ANKRD30BL: variants seen among roughly 807,000 people sequenced by gnomAD.
ANKRD30BL encodes the protein putative ankyrin repeat domain-containing protein 30B-like.
A neutral mutation model predicts 18.4 loss-of-function variants in ANKRD30BL; 20 were observed. The ratio of observed to expected loss-of-function variants is 1.09; its 90% confidence interval spans 0.77 to 1.58. ANKRD30BL has a LOEUF of 1.58. Among genes scored for constraint, ANKRD30BL ranks in the 40% most tolerant of loss-of-function variants. The pLI is 0.00. For missense variants in ANKRD30BL, 224 were observed against 268.6 expected, an observed-to-expected ratio of 0.83 and a Z score of 1.16; for synonymous variants, 72 against 100.9, an observed-to-expected ratio of 0.71 and a Z score of 1.72.
At chr2:132,181,971 C>T (rs1045349249) in intron 1 of ANKRD30BL, among the ~76,000 whole-genome samples, 33 of 151,796 alleles carry the variant, frequency 2.2e-4, no homozygotes, top group South Asian at 6.2e-4. Flanking sequence ...ATTAGCCGGG[C>T]GTGGTGGTGC....
chr2:132,213,272 G>A (rs988469117), intron 1 of ANKRD30BL, among the ~76,000 whole-genome samples: 1 of 151,952 alleles, frequency 6.6e-6, no homozygotes, highest in Non-Finnish European at 1.5e-5. Flanking sequence ...GACATTTGGA[G>A]CGATTTGAGG....
At position 132,161,911 on chromosome 2, in the gene ANKRD30BL, G is replaced by C; in HGVS notation, c.-206C>G. 1 of 572,484 alleles carries C rather than the reference G, an allele frequency of 1.7e-6. No individual in the cohort carries two copies. The allele number at this position is 572,484 out of a possible 1,614,324, so 35.5% of individuals were successfully genotyped here. On this transcript the variant is annotated 5_prime_UTR_variant, in exon 1 of 6. Coordinates refer to ENST00000409867, the MANE Select transcript of ANKRD30BL (RefSeq NM_001358416.1). ...GTTAGGCAGCTGAGCAGAACCGTTA[G>C]GCACCTGAGCAGAACCTTTAGGCAG...
At chr2:132,217,732 G>A (rs1679548246) in intron 1 of ANKRD30BL, among the ~76,000 whole-genome samples, 1 of 152,278 alleles carries the variant, frequency 6.6e-6, no homozygotes, top group Non-Finnish European at 1.5e-5. Context: ...TCTGCATGTG[G>A]ATATTTCAAC....
chr2:132,208,986 C>T (rs1265963482), intron 1 of ANKRD30BL, among the ~76,000 whole-genome samples: 2 of 151,958 alleles, frequency 1.3e-5, no homozygotes, highest in South Asian at 2.1e-4. Context: ...GCTTTACAGC[C>T]TATGGTGGAA....
intron 1 of ANKRD30BL, among the ~76,000 whole-genome samples, chr2:132,203,403 A>G (rs1201339407): frequency 6.6e-6 from 1 of 152,236 alleles, no homozygotes; most frequent in African/African-American, 2.4e-5. Flanking sequence ...TTCATTTCTG[A>G]GATTCACAAC....
intron 1 of ANKRD30BL, among the ~76,000 whole-genome samples, chr2:132,173,728 T>C (rs1283512159): frequency 6.6e-6 from 1 of 152,180 alleles, no homozygotes; most frequent in East Asian, 1.9e-4. Flanking sequence ...ATAAGTGAAA[T>C]AAATTTTGAC....
At chr2:132,150,645 A>G (rs1407325547) in intron 5 of ANKRD30BL, among the ~76,000 whole-genome samples, 1 of 151,988 alleles carries the variant, frequency 6.6e-6, no homozygotes, top group Non-Finnish European at 1.5e-5. Flanking sequence ...CAAAAGTATT[A>G]TATAGGATAT....
intron 1 of ANKRD30BL, among the ~76,000 whole-genome samples, chr2:132,228,506 T>C (rs1679907946): frequency 6.6e-6 from 1 of 151,656 alleles, no homozygotes; most frequent in South Asian, 2.1e-4. Flanking sequence ...GTTAAAACTT[T>C]CTTTTGATTG....
chr2:132,236,402 T>C (rs1369516827), intron 1 of ANKRD30BL, among the ~76,000 whole-genome samples: 1 of 152,042 alleles, frequency 6.6e-6, no homozygotes, highest in African/African-American at 2.4e-5. Flanking sequence ...ATCCAGAATC[T>C]ACAATGAACT....
At chr2:132,207,143 A>T (rs1362744682) in intron 1 of ANKRD30BL, among the ~76,000 whole-genome samples, 1 of 151,880 alleles carries the variant, frequency 6.6e-6, no homozygotes, top group African/African-American at 2.4e-5. Flanking sequence ...TAATATATAT[A>T]TTTTCTTTTT....
intron 1 of ANKRD30BL, among the ~76,000 whole-genome samples, chr2:132,191,657 A>G (rs1200056223): frequency 6.6e-6 from 1 of 150,656 alleles, no homozygotes; most frequent in Admixed American, 6.6e-5. Context: ...CATCATTCAT[A>G]TATCTTTGGT....
At chr2:132,208,150 G>A (rs1207522259) in intron 1 of ANKRD30BL, among the ~76,000 whole-genome samples, 1 of 152,074 alleles carries the variant, frequency 6.6e-6, no homozygotes, top group Non-Finnish European at 1.5e-5. Flanking sequence ...AGATCCACTT[G>A]TACTGCAGGC....
chr2:132,152,198 T>G (rs1687775776), intron 4 of ANKRD30BL: 1 of 152,248 alleles, frequency 6.6e-6, no homozygotes, highest in South Asian at 2.1e-4. Context: ...CACCATTTCC[T>G]TGGAGCTAGT....
At chr2:132,195,368 T>G (rs1393209806) in intron 1 of ANKRD30BL, among the ~76,000 whole-genome samples, 1 of 151,952 alleles carries the variant, frequency 6.6e-6, no homozygotes, top group African/African-American at 2.4e-5. Context: ...ATTAGAGAGA[T>G]AATGAAATAA....
chr2:132,237,951 G>C (rs1209815548), intron 1 of ANKRD30BL, among the ~76,000 whole-genome samples: 1 of 151,856 alleles, frequency 6.6e-6, no homozygotes, highest in East Asian at 1.9e-4. Context: ...GTTTGGAAAA[G>C]GAAATATCTT....
intron 1 of ANKRD30BL, among the ~76,000 whole-genome samples, chr2:132,171,719 G>C (rs568745749): frequency 4.2e-4 from 64 of 152,164 alleles, no homozygotes; most frequent in African/African-American, 1.5e-3. Context: ...TTTAAATTGT[G>C]CTAAAATACA....
intron 1 of ANKRD30BL, among the ~76,000 whole-genome samples, chr2:132,237,637 G>C (rs79470726): frequency 6.6e-6 from 1 of 151,104 alleles, no homozygotes; most frequent in Non-Finnish European, 1.5e-5. Flanking sequence ...AACTAGACAG[G>C]AGCATTCTCA....
chr2:132,231,629 A>G (rs1194223175), intron 1 of ANKRD30BL, among the ~76,000 whole-genome samples: 1 of 152,140 alleles, frequency 6.6e-6, no homozygotes, highest in Non-Finnish European at 1.5e-5. Context: ...CGCTTTTCGG[A>G]CCGGCTTAAA....
At chr2:132,164,279 T>TG (rs201446396), upstream of ANKRD30BL, among the ~76,000 whole-genome samples, 3 of 146,144 alleles carry the variant, frequency 2.1e-5, no homozygotes, top group South Asian at 2.2e-4. Context: ...CTTTTTTTTT[T>TG]TTTTTTTTTT....
Sources: gnomAD v4.1 joint callset for allele counts (sites outside exome capture counted in the v4.1 genomes callset) on GRCh38, gnomAD v4.1.1 for gene constraint, MANE v1.5 for transcripts, NCBI Gene and HGNC (gene_info 2026-07-23, HGNC 2026-07-21) for gene names.